MGLL: variants seen among roughly 807,000 people sequenced by gnomAD.
MGLL encodes the protein lysophospholipase homolog.
MGLL carries 7 observed loss-of-function variants against 29.1 expected under a neutral mutation model. The observed-to-expected ratio is 0.24, with a 90% CI of 0.14 to 0.45. The LOEUF is 0.45. Ranked by LOEUF, MGLL falls within the 20% of genes least tolerant of loss-of-function variation. The probability of loss-of-function intolerance (pLI) is 0.99; values close to 1 mark genes in which losing one functional copy is unlikely to be tolerated. For missense variants in MGLL, 356 were observed against 413.6 expected (o/e 0.86, Z 1.21); for synonymous variants, 148 against 168.3 (o/e 0.88, Z 0.93).
intron 3 of MGLL, among the ~76,000 whole-genome samples, chr3:127,733,622 G>C (rs1235033230): frequency 6.6e-6 from 1 of 152,174 alleles, no homozygotes; most frequent in Non-Finnish European, 1.5e-5. Flanking sequence ...AAGGATGCTG[G>C]CCTCTACCTA....
intron 3 of MGLL, among the ~76,000 whole-genome samples, chr3:127,734,422 G>A (rs375062202): frequency 3.9e-4 from 59 of 152,220 alleles, no homozygotes; most frequent in Middle Eastern, 3.4e-3. Flanking sequence ...TCTGCAGTGC[G>A]CCCGTGCCTT....
intron 5 of MGLL, 140 bp downstream of exon 5, chr3:127,720,913 A>G: frequency 1.3e-6 from 1 of 753,542 alleles, no homozygotes; most frequent in South Asian, 1.5e-5. Context: ...ACAGTGTTGG[A>G]TATTTGTCCA....
intron 5 of MGLL, chr3:127,715,750 T>G (rs1344173184): frequency 2.2e-6 from 1 of 456,580 alleles, no homozygotes; most frequent in Admixed American, 2.3e-5. Context: ...CCCAGATGGA[T>G]CACATTGTCG....
rs201162933 is a variant in MGLL at position 127,783,493 on chromosome 3, G to A, written c.156-1598C>T. ...TGGACCCCAGAGCTGTATCCCAGCCGAGCAACATGAACAGGGGCCCAGCTG... is the reference window on the plus strand; with the variant it reads ...TGGACCCCAGAGCTGTATCCCAGCCAAGCAACATGAACAGGGGCCCAGCTG... On this transcript the variant is annotated intron_variant, in intron 2 of 7. Transcript: ENST00000265052. Among the ~76,000 whole-genome samples, 23 of 152,290 alleles carry A rather than the reference G, an allele frequency of 1.5e-4. No individual in the cohort carries two copies. The East Asian group carries it at 3.9e-3, about 26-fold the overall frequency.
At chr3:127,720,088 G>A (rs1194658702) in intron 5 of MGLL, among the ~76,000 whole-genome samples, 1 of 152,218 alleles carries the variant, frequency 6.6e-6, no homozygotes, top group African/African-American at 2.4e-5. Flanking sequence ...CTGTGTTGAA[G>A]AGAGTGCGGT....
intron 3 of MGLL, among the ~76,000 whole-genome samples, chr3:127,776,128 G>C (rs185433194): frequency 1.3e-5 from 2 of 152,118 alleles, no homozygotes; most frequent in African/African-American, 4.8e-5. Flanking sequence ...CTCCCTCATG[G>C]GCTCTACTCT....
At chr3:127,710,870 A>C (rs1576486655) in intron 5 of MGLL, 48 of 574,646 alleles carry the variant, frequency 8.4e-5, no homozygotes, top group East Asian at 1.3e-4. Flanking sequence ...GCTCTGCTCC[A>C]CCTTGGGGGA....
At chr3:127,783,143 CAAAAAA>C (rs72041528) in intron 2 of MGLL, among the ~76,000 whole-genome samples, 29 of 63,928 alleles carry the variant, frequency 4.5e-4, no homozygotes, top group African/African-American at 6.1e-4. Flanking sequence ...GACTCTGTCT[CAAAAAA>C]AAAAAAAAAA....
At chr3:127,774,853 T>A (rs892543846) in intron 3 of MGLL, among the ~76,000 whole-genome samples, 1 of 152,152 alleles carries the variant, frequency 6.6e-6, no homozygotes, top group Non-Finnish European at 1.5e-5. Flanking sequence ...CCACTGGAGT[T>A]TCAGACCCTG....
intron 5 of MGLL, among the ~76,000 whole-genome samples, chr3:127,714,997 G>T (rs1381215909): frequency 1.3e-5 from 2 of 152,130 alleles, no homozygotes; most frequent in Non-Finnish European, 2.9e-5. Context: ...CAGCGCCAGG[G>T]GCTCCAGGGC....
chr3:127,755,284 G>A (rs992360950), intron 3 of MGLL, among the ~76,000 whole-genome samples: 2 of 152,198 alleles, frequency 1.3e-5, no homozygotes, highest in African/African-American at 4.8e-5. Flanking sequence ...CAACGCTCTT[G>A]TAAAAGGAGG....
intron 3 of MGLL, among the ~76,000 whole-genome samples, chr3:127,767,557 G>A (rs1172063349): frequency 2.0e-5 from 3 of 152,166 alleles, no homozygotes; most frequent in Non-Finnish European, 2.9e-5. Flanking sequence ...GTAGGCACTC[G>A]ATGAATCTTT....
chr3:127,768,276 G>A (rs1559957151), intron 3 of MGLL, among the ~76,000 whole-genome samples: 1 of 152,140 alleles, frequency 6.6e-6, no homozygotes, highest in East Asian at 1.9e-4. Flanking sequence ...AACTAAGAAG[G>A]AGCACTTCCC....
At chr3:127,737,672 T>G (rs2076267977) in intron 3 of MGLL, among the ~76,000 whole-genome samples, 2 of 124,548 alleles carry the variant, frequency 1.6e-5, no homozygotes, top group Non-Finnish European at 3.3e-5. Context: ...GAGACAGGGT[T>G]TTGCTCTTCT....
intron 3 of MGLL, among the ~76,000 whole-genome samples, chr3:127,746,976 G>A (rs1052937470): frequency 1.3e-5 from 2 of 152,324 alleles, no homozygotes; most frequent in African/African-American, 4.8e-5. Context: ...GCGCAAACAA[G>A]TGACTCAGCC....
At chr3:127,716,749 C>A (rs1013659074) in intron 5 of MGLL, among the ~76,000 whole-genome samples, 2 of 152,222 alleles carry the variant, frequency 1.3e-5, no homozygotes, top group African/African-American at 4.8e-5. Flanking sequence ...TAAGTGGCTC[C>A]CACAGGCTGA....
At chr3:127,735,808 C>T (rs766272578) in intron 3 of MGLL, 104 of 1,598,264 alleles carry the variant, frequency 6.5e-5, no homozygotes, top group Non-Finnish European at 8.1e-5. Context: ...CTGGCATTCT[C>T]TTGGTGCTCG....
chr3:127,812,754 T>C (rs953048603), intron 2 of MGLL, among the ~76,000 whole-genome samples: 4 of 152,194 alleles, frequency 2.6e-5, no homozygotes, highest in Non-Finnish European at 5.9e-5. Context: ...CTCTCTTACC[T>C]GCACCAGCCA....
At chr3:127,804,201 C>G (rs1391563356) in intron 2 of MGLL, among the ~76,000 whole-genome samples, 2 of 152,200 alleles carry the variant, frequency 1.3e-5, no homozygotes, top group South Asian at 4.1e-4. Flanking sequence ...AATTACCACC[C>G]GGAATGCAAG....
Sources: allele counts gnomAD v4.1 joint callset (sites outside exome capture counted in the v4.1 genomes callset), GRCh38; gene constraint gnomAD v4.1.1; transcripts MANE v1.5; gene names NCBI Gene and HGNC (gene_info 2026-07-23, HGNC 2026-07-21).